DGKQ: variants seen among roughly 807,000 people sequenced by gnomAD.
The protein encoded by DGKQ is DAG kinase theta.
DGKQ carries 97 observed loss-of-function variants against 104.2 expected under a neutral mutation model. The observed-to-expected ratio is 0.93, with a 90% CI of 0.79 to 1.10. DGKQ has a LOEUF of 1.10. DGKQ is among the 50% of genes least tolerant of loss of function. The pLI, the probability that DGKQ is intolerant of heterozygous loss-of-function variation, is 0.00. For missense variants in DGKQ, 1,465 were observed against 1,352.1 expected (o/e 1.08, Z -1.31); for synonymous variants, 736 against 595.2 (o/e 1.24, Z -3.44).
chr4:960,975 G>C, intron 22 of DGKQ, 74 bp downstream of exon 22: 1 of 1,578,552 alleles, frequency 6.3e-7, no homozygotes, highest in Non-Finnish European at 8.6e-7. Flanking sequence ...GCACCACCTG[G>C]GTACCACTGG....
At position 967,631 on chromosome 4, in the gene DGKQ, A is replaced by G; in HGVS notation, c.905T>C (p.Ile302Thr). 1 of 1,612,414 alleles carries G rather than the reference A, an allele frequency of 6.2e-7. No individual in the cohort carries two copies. Among genetic ancestry groups the G allele is most frequent in the African/African-American group, 1.3e-5 (1 of 74,914 alleles). ...TPESGKQTLKIFDGDDAVRRS... is the reference protein window; with the variant it reads ...TPESGKQTLKTFDGDDAVRRS... ...TCTCACCGCGTCGTCGCCATCAAAG[A>G]TCTTCAGCGTTTGCTTCCCTGGGCC... Residue 302 changes from isoleucine to threonine, a missense_variant, in exon 8 of 23, where the codon ATC (isoleucine) becomes ACC (threonine). Transcript: ENST00000273814.
Position 961,478 on chromosome 4 carries a change from C to T in DGKQ, c.2563G>A (p.Val855Ile), listed in dbSNP as rs367834282. The change falls in exon 21 of 23, where the codon GTC (valine) becomes ATC (isoleucine). Residue 855 changes from valine (V) to isoleucine (I), a missense_variant. Physicochemically the swap from Val to Ile is conservative, Grantham distance 29 (BLOSUM62 3). Coordinates refer to ENST00000273814, the MANE Select transcript of DGKQ (RefSeq NM_001347.4). ...GGCCGGCGGCTCACCATGTGCACGA[C>T]GCCCGTCACGCCCACAACCTCCAGC... ...GLLEVVGVTG[V>I]VHMGQVQGGL... 2.9e-5 allele frequency: 46 copies of T among 1,599,952 alleles called. No individual in the cohort carries two copies. Among genetic ancestry groups the T allele is most frequent in the Non-Finnish European group, 3.5e-5 (41 of 1,175,316 alleles).
rs1577476853 is a variant in DGKQ at position 965,117 on chromosome 4, C to G, written c.1734+59G>C. ...GTGGGGCCTGTGCACCTGCAGACCC[C>G]GACCTCCCTCTGGCCACCCCCTGGG... is the stretch of plus-strand genomic sequence containing the variant. On this transcript the variant is annotated intron_variant, in intron 15 of 22. Transcript: ENST00000273814. 5.5e-5 allele frequency: 79 copies of G among 1,445,690 alleles called. 1 individual carries two copies. In the South Asian group the frequency reaches 8.4e-4, roughly 15 times the overall value. 89.6% of individuals were successfully genotyped at this position (1,445,690 alleles called of 1,614,324 possible).
In DGKQ at chr4:962,548, G is replaced by C. The variant is rs1249880651; in HGVS notation, c.2101C>G (p.Leu701Val). Residue 701 changes from leucine (L) to valine (V), a missense_variant, in exon 18 of 23, where the codon CTG (leucine) becomes GTG (valine). Transcript: ENST00000273814. ...GCGTCGGCCTCGTCCACAGACAGCA[G>C]TACGGAGAACGGGTCCTCGCCGCTG... ...GYSGEDPFSV[L>V]LSVDEADAVL... 1 of 1,610,324 alleles carries C rather than the reference G, an allele frequency of 6.2e-7. No individual in the cohort carries two copies. Among genetic ancestry groups the C allele is most frequent in the Non-Finnish European group, 8.5e-7 (1 of 1,179,948 alleles).
At position 960,431 on chromosome 4, in the gene DGKQ, C is replaced by T; in HGVS notation, c.*189G>A. 1.7e-6 allele frequency: 1 copy of T among 603,940 alleles called. No homozygotes were observed. 37.4% of individuals were successfully genotyped at this position (603,940 alleles called of 1,614,324 possible). A position where few individuals can be genotyped will look rare whatever the true frequency, so the allele number is the denominator to read the frequency against. On this transcript the variant is annotated 3_prime_UTR_variant, in exon 23 of 23. Coordinates refer to ENST00000273814, the MANE Select transcript of DGKQ (RefSeq NM_001347.4). ...TCCAGTGGGATGAGGGCTGTGACAC[C>T]AACATGTGTCACCAATGGGATGAGG...
Position 963,121 on chromosome 4 carries a change from G to T in DGKQ, c.1886+18C>A, listed in dbSNP as rs1017802256. ...CGCCCCTGCTGCTGCCCTGGACCAG[G>T]GGTCCTGCTGGACTCACCCGGGAAG... On this transcript the variant is annotated intron_variant, in intron 16 of 22. Coordinates refer to ENST00000273814, the MANE Select transcript of DGKQ (RefSeq NM_001347.4). 2.5e-6 allele frequency: 4 copies of T among 1,584,802 alleles called. No homozygotes were observed. In the African/African-American group the frequency reaches 5.4e-5, roughly 21 times the overall value.
intron 13 of DGKQ, 40 bp downstream of exon 13, chr4:965,888 C>T: frequency 6.4e-6 from 10 of 1,550,578 alleles, no homozygotes; most frequent in Non-Finnish European, 8.7e-6. Context: ...CTCGACCCTG[C>T]CCCGTGCCAG....
rs770776106 is a variant in DGKQ, at chr4:962,618, G to A, written c.2036-5C>T. On this transcript the variant is annotated splice_polypyrimidine_tract_variant and splice_region_variant and intron_variant, in intron 17 of 22. Coordinates refer to ENST00000273814, the MANE Select transcript of DGKQ (RefSeq NM_001347.4). ...GGACTCGACCAAGGTCATTCCCTGGGACACAAGCAGACACAGAGCATCTGT... is the reference window on the plus strand; with the variant it reads ...GGACTCGACCAAGGTCATTCCCTGGAACACAAGCAGACACAGAGCATCTGT... The A allele has an allele frequency of 3.1e-6, 5 of 1,605,440 alleles. No individual in the cohort carries two copies. In the African/African-American group the frequency reaches 5.3e-5, roughly 17 times the overall value.
At chr4:965,668 C>G (rs1466796285) in intron 13 of DGKQ, 139 bp from the exon 14 acceptor site, 3 of 998,612 alleles carry the variant, frequency 3.0e-6, no homozygotes, top group Admixed American at 2.4e-5. Flanking sequence ...TGCCCCACTC[C>G]AGGAGCAGGA....
intron 6 of DGKQ, 35 bp from the exon 7 acceptor site, chr4:967,837 C>T (rs1018715213): frequency 2.4e-5 from 37 of 1,548,128 alleles, no homozygotes; most frequent in Non-Finnish European, 3.0e-5. Context: ...TCATTCAGTG[C>T]GCAGCCCCCA....
chr4:961,284 C>G (rs1312685312), intron 21 of DGKQ, 83 bp from the exon 22 acceptor site: 4 of 1,299,272 alleles, frequency 3.1e-6, no homozygotes, highest in Non-Finnish European at 4.1e-6. Flanking sequence ...AGAGGCCAGC[C>G]GAGCAGGGAC....
rs753282179 is a variant in DGKQ at position 962,485 on chromosome 4, G to A, written c.2164C>T (p.His722Tyr). 4 of 1,607,602 alleles carry A rather than the reference G, an allele frequency of 2.5e-6. No individual in the cohort carries two copies. In the African/African-American group the frequency reaches 4.0e-5, roughly 16 times the overall value. ...TCGTTCTCTGCACTGCCAGCCTCGTGGGCATCCAGCAGGATGGTCCAGCGG... is the reference window on the plus strand; with the variant it reads ...TCGTTCTCTGCACTGCCAGCCTCGTAGGCATCCAGCAGGATGGTCCAGCGG... ...MDRWTILLDA[H>Y]EAGSAENDTA... Residue 722 changes from histidine to tyrosine, a missense_variant, in exon 18 of 23, where the codon CAC becomes TAC. Coordinates refer to ENST00000273814, the MANE Select transcript of DGKQ (RefSeq NM_001347.4).
chr4:967,847 A>G, intron 6 of DGKQ, 33 bp downstream of exon 6: 1 of 1,503,488 alleles, frequency 6.7e-7, no homozygotes, highest in Non-Finnish European at 8.9e-7. Context: ...CGCAGCCCCC[A>G]GCCCAGGGCG....
At chr4:968,179 C>CACCACTCGCAGCGCACGCCG in intron 5 of DGKQ, 103 bp downstream of exon 5, 1 of 316,122 alleles carries the variant, frequency 3.2e-6, no homozygotes, top group Non-Finnish European at 4.6e-6. Flanking sequence ...CTGGAACCCG[C>CACCACTCGCAGCGCACGCCG]GCCTCTCCTG....
chr4:968,805 AG>A lies in DGKQ; in HGVS notation c.451+5del, dbSNP rs1294053303. On this transcript the variant is annotated splice_donor_5th_base_variant and intron_variant, in intron 3 of 22. Transcript: ENST00000273814. ...CTGGGTGGGGAGCCAGGCAGGCTCC[AG>A]GTACCTTCGCAGTGGAGCGCCGGTG... The A allele has an allele frequency of 6.2e-7, 1 of 1,607,094 alleles. No homozygotes were observed. Among genetic ancestry groups the A allele is most frequent in the Non-Finnish European group, 8.5e-7 (1 of 1,177,360 alleles).
intron 11 of DGKQ, 107 bp downstream of exon 11, chr4:966,641 A>C: frequency 6.7e-7 from 1 of 1,502,128 alleles, no homozygotes; most frequent in Non-Finnish European, 9.1e-7. Flanking sequence ...TCAGGAGGGC[A>C]GAGCCCGGCC....
rs1335711969 is a variant in DGKQ, at chr4:973,337, C to T, written c.146G>A (p.Gly49Asp). ...GGCAGCGGGGCCCGGGGCTCTGACGCCCGCCCGCTCGGGTCCCGGCCCCGG... is the reference window on the plus strand; with the variant it reads ...GGCAGCGGGGCCCGGGGCTCTGACGTCCGCCCGCTCGGGTCCCGGCCCCGG... Reference protein sequence around the residue: ...PGPGPGPERAGVRAPGPAAAP... With the variant: ...PGPGPGPERADVRAPGPAAAP... Residue 49 changes from glycine to aspartate, a missense_variant, in exon 1 of 23, where the codon GGC (glycine) becomes GAC (aspartate). By Grantham distance (94) the Gly-to-Asp change is moderately conservative (BLOSUM62 -1). Transcript: ENST00000273814. 5 of 1,392,566 alleles carry T rather than the reference C, an allele frequency of 3.6e-6. No homozygotes were observed. Among genetic ancestry groups the T allele is most frequent in the African/African-American group, 1.5e-5 (1 of 66,190 alleles). The allele number at this position is 1,392,566 out of a possible 1,614,324, so 86.3% of individuals were successfully genotyped here.
chr4:973,532 G>A lies in DGKQ; in HGVS notation c.-50C>T, dbSNP rs1237348785. The A allele has an allele frequency of 1.0e-6, 1 of 985,536 alleles. No homozygotes were observed. The highest frequency in any genetic ancestry group is 1.8e-5 in the African/African-American group (1 of 57,094). The allele number at this position is 985,536 out of a possible 1,614,324, so 61.0% of individuals were successfully genotyped here. On this transcript the variant is annotated 5_prime_UTR_variant, in exon 1 of 23. Coordinates refer to ENST00000273814, the MANE Select transcript of DGKQ (RefSeq NM_001347.4). ...CTTTAGGTCCGCGCCGGGGGTACAGGAGCCGCCGCTCCACGGCCCGGTACA... is the reference window on the plus strand; with the variant it reads ...CTTTAGGTCCGCGCCGGGGGTACAGAAGCCGCCGCTCCACGGCCCGGTACA...
rs11248059 is a variant in DGKQ at position 966,543 on chromosome 4, C to T, written c.1367-16G>A. Reference sequence around the variant, plus strand: ...GTCCGCTGGACTGCAGAGGTGAGGGCACAGGCCGTCAGCACCCGGCTCCTC... The same window carrying T: ...GTCCGCTGGACTGCAGAGGTGAGGGTACAGGCCGTCAGCACCCGGCTCCTC... On this transcript the variant is annotated splice_polypyrimidine_tract_variant and intron_variant, in intron 11 of 22. Transcript: ENST00000273814. 12 of 1,608,664 alleles carry T rather than the reference C, an allele frequency of 7.5e-6. No homozygotes were observed. The highest frequency in any genetic ancestry group is 3.3e-5 in the Admixed American group (2 of 59,822).
Sources: gnomAD v4.1 joint callset for allele counts on GRCh38, gnomAD v4.1.1 for gene constraint, MANE v1.5 for transcripts, NCBI Gene and HGNC (gene_info 2026-07-23, HGNC 2026-07-21) for gene names.